The following MAT1A variants were observed in gnomAD, a reference collection of about 807,000 sequenced individuals.
MAT1A encodes the protein methionine adenosyltransferase 1A, also known as S-adenosylmethionine synthase isoform type-1.
MAT1A carries 19 observed loss-of-function variants against 44.0 expected under a neutral mutation model. The ratio of observed to expected loss-of-function variants is 0.43; its 90% confidence interval spans 0.30 to 0.63. MAT1A has a LOEUF of 0.63. Among genes scored for constraint, MAT1A ranks in the 30% least tolerant of loss-of-function variants. The probability of loss-of-function intolerance (pLI) is 0.12; values close to 1 mark genes in which losing one functional copy is unlikely to be tolerated. For missense variants in MAT1A, 397 were observed against 531.0 expected (o/e 0.75, Z 2.48); for synonymous variants, 205 against 205.6 (o/e 1.00, Z 0.03).
intron 8 of MAT1A, 123 bp from the exon 9 acceptor site, chr10:80,274,006 C>A: frequency 1.3e-6 from 1 of 762,844 alleles, no homozygotes; most frequent in South Asian, 1.4e-5. Flanking sequence ...GGCACTACGC[C>A]TCCCCACCGC....
intron 5 of MAT1A, among the ~76,000 whole-genome samples, chr10:80,279,594 A>G (rs1038871140): frequency 6.6e-6 from 1 of 152,080 alleles, no homozygotes; most frequent in Non-Finnish European, 1.5e-5. Context: ...CACTTGAATC[A>G]CCTCAGCCTT....
intron 7 of MAT1A, 137 bp downstream of exon 7, chr10:80,274,880 T>A: frequency 7.9e-7 from 1 of 1,262,724 alleles, no homozygotes; most frequent in Non-Finnish European, 1.1e-6. Flanking sequence ...CTGGCCACAG[T>A]GCCCAACACA....
rs1841549671 is a variant in MAT1A, at chr10:80,280,386, A to C, written c.406-70T>G. The C allele has an allele frequency of 1.4e-5, 22 of 1,590,770 alleles. No homozygotes were observed. The South Asian group carries it at 2.4e-4, about 18-fold the overall frequency. On this transcript the variant is annotated intron_variant, in intron 4 of 8. Coordinates refer to ENST00000372213, the MANE Select transcript of MAT1A (RefSeq NM_000429.3). ...AGGACCGCAGCTCTCTCCAAGCCTG[A>C]AATCTCCCTGGTGTGTCCACGTTGA...
chr10:80,278,503 G>A (rs1360334989), intron 5 of MAT1A, among the ~76,000 whole-genome samples: 6 of 152,174 alleles, frequency 3.9e-5, no homozygotes, highest in Admixed American at 6.5e-5. Flanking sequence ...CAGGCAGGCC[G>A]ACATCATGGG....
At chr10:80,285,425 G>T in intron 2 of MAT1A, 87 bp downstream of exon 2, 1 of 1,089,508 alleles carries the variant, frequency 9.2e-7, no homozygotes, top group Non-Finnish European at 1.4e-6. Flanking sequence ...GAACTGAGGA[G>T]TATGGCTCGT....
intron 1 of MAT1A, among the ~76,000 whole-genome samples, chr10:80,285,926 A>G (rs1387761294): frequency 6.6e-6 from 1 of 151,790 alleles, no homozygotes; most frequent in Non-Finnish European, 1.5e-5. Flanking sequence ...CCCGGGTTCA[A>G]GCAATCCTCC....
At position 80,289,525 on chromosome 10, in the gene MAT1A, C is replaced by A; in HGVS notation, c.-102G>T. Reference sequence around the variant, plus strand: ...TCTTCTTCTTCTTCTTTCAACCCAACAGGCTTGTCTTTGGCAGAGCCACGG... The same window carrying A: ...TCTTCTTCTTCTTCTTTCAACCCAAAAGGCTTGTCTTTGGCAGAGCCACGG... On this transcript the variant is annotated 5_prime_UTR_variant, in exon 1 of 9. Coordinates refer to ENST00000372213, the MANE Select transcript of MAT1A (RefSeq NM_000429.3). The A allele has an allele frequency of 1.3e-6, 1 of 761,486 alleles. No homozygotes were observed. The highest frequency in any genetic ancestry group is 1.5e-5 in the South Asian group (1 of 65,576). 47.2% of individuals were successfully genotyped at this position (761,486 alleles called of 1,614,324 possible).
chr10:80,285,454 T>G, intron 2 of MAT1A, 58 bp downstream of exon 2: 2 of 1,409,916 alleles, frequency 1.4e-6, no homozygotes, highest in Non-Finnish European at 2.0e-6. Flanking sequence ...TACCCATGAT[T>G]AATTTCTCAG....
intron 8 of MAT1A, 69 bp downstream of exon 8, chr10:80,274,451 T>C: frequency 6.2e-7 from 1 of 1,600,488 alleles, no homozygotes; most frequent in Non-Finnish European, 8.6e-7. Flanking sequence ...TGCCTCCCTT[T>C]CAGGTGAGGT....
At chr10:80,284,485 C>A (rs1841615191) in intron 2 of MAT1A, among the ~76,000 whole-genome samples, 1 of 152,194 alleles carries the variant, frequency 6.6e-6, no homozygotes, top group Non-Finnish European at 1.5e-5. Flanking sequence ...GCAGGCCAAC[C>A]TTCTCTCCAG....
chr10:80,280,100 A>G lies in MAT1A; in HGVS notation c.549+73T>C, dbSNP rs1841543306. 6 of 1,539,024 alleles carry G rather than the reference A, an allele frequency of 3.9e-6. No individual in the cohort carries two copies. In the Admixed American group the frequency reaches 1.0e-4, roughly 26 times the overall value. On this transcript the variant is annotated intron_variant, in intron 5 of 8. Transcript: ENST00000372213. Reference sequence around the variant, plus strand: ...ATATTTCGATCTTAAAAATGACACAATCAAGAATCAAGAGGATTTGGGGGT... The same window carrying G: ...ATATTTCGATCTTAAAAATGACACAGTCAAGAATCAAGAGGATTTGGGGGT...
chr10:80,274,959 C>T (rs1364964680), intron 7 of MAT1A, 58 bp downstream of exon 7: 2 of 1,534,388 alleles, frequency 1.3e-6, no homozygotes, highest in African/African-American at 2.8e-5. Flanking sequence ...TCACTCAGGG[C>T]AGAACTGGGC....
At chr10:80,275,256 G>A in intron 6 of MAT1A, 57 bp from the exon 7 acceptor site, 1 of 1,472,468 alleles carries the variant, frequency 6.8e-7, no homozygotes, top group South Asian at 1.2e-5. Context: ...ATGCTGGAGG[G>A]GGCTGAAGTA....
At position 80,280,670 on chromosome 10, in the gene MAT1A, G is replaced by C. The variant is rs777957218; in HGVS notation, c.405+10C>G. ...TCAACACACAGCTCCCACATGCAGT[G>C]CCGAGCTACCTGATCTCCTGCCCCC... On this transcript the variant is annotated intron_variant, in intron 4 of 8. Transcript: ENST00000372213. The C allele has an allele frequency of 8.7e-6, 14 of 1,603,568 alleles. No homozygotes were observed. Among genetic ancestry groups the C allele is most frequent in the Admixed American group, 1.7e-5 (1 of 59,996 alleles).
chr10:80,283,106 T>C (rs1020253875), intron 3 of MAT1A, among the ~76,000 whole-genome samples: 6 of 152,228 alleles, frequency 3.9e-5, no homozygotes, highest in South Asian at 2.1e-4. Context: ...GAGACCAACG[T>C]GGAGACTCTA....
intron 1 of MAT1A, 111 bp downstream of exon 1, chr10:80,289,222 C>A: frequency 2.3e-6 from 2 of 868,748 alleles, no homozygotes; most frequent in East Asian, 2.4e-5. Context: ...CACACGGTAC[C>A]CCATAAATAT....
intron 1 of MAT1A, among the ~76,000 whole-genome samples, chr10:80,287,508 T>C (rs187663985): frequency 2.0e-5 from 3 of 152,336 alleles, no homozygotes; most frequent in Admixed American, 2.0e-4. Context: ...ATTAGACAAA[T>C]TGATTGGCTG....
Position 80,272,213 on chromosome 10 carries a change from T to A in MAT1A, c.*1568A>T, listed in dbSNP as rs1455628613. The stretch of plus-strand genomic sequence containing the variant: ...CCATGTACCCTAGAGAGAGGCCAAG[T>A]CCCCAGTGTTCCCCTGGGGCCCATG... On this transcript the variant is annotated 3_prime_UTR_variant, in exon 9 of 9. Coordinates refer to ENST00000372213, the MANE Select transcript of MAT1A (RefSeq NM_000429.3). 4 of 152,070 alleles carry A rather than the reference T, an allele frequency of 2.6e-5. No individual in the cohort carries two copies. In the East Asian group the frequency reaches 7.7e-4, roughly 29 times the overall value. 9.4% of individuals were successfully genotyped at this position (152,070 alleles called of 1,614,324 possible).
intron 2 of MAT1A, among the ~76,000 whole-genome samples, chr10:80,285,183 C>T (rs1489243823): frequency 1.3e-5 from 2 of 152,186 alleles, no homozygotes; most frequent in Non-Finnish European, 2.9e-5. Context: ...CTGGAAGATT[C>T]ACCTAAGAAC....
Sources: gnomAD v4.1 joint callset for allele counts (sites outside exome capture counted in the v4.1 genomes callset) on GRCh38, gnomAD v4.1.1 for gene constraint, MANE v1.5 for transcripts, NCBI Gene and HGNC (gene_info 2026-07-23, HGNC 2026-07-21) for gene names.